The following ELAVL2 variants were observed in gnomAD, a reference collection of about 807,000 sequenced individuals.
ELAVL2 encodes the protein ELAV like RNA binding protein 2, also known as ELAV-like protein 2.
ELAVL2 carries 4 observed loss-of-function variants against 34.6 expected under a neutral mutation model. That is an observed-to-expected ratio of 0.12 (90% CI 0.06 to 0.26). The LOEUF is 0.26. Among genes scored for constraint, ELAVL2 ranks in the 10% least tolerant of loss-of-function variants. The pLI is 1.00. For synonymous variants in ELAVL2, 193 were observed against 154.8 expected (o/e 1.25, Z -1.83); for missense variants, 432 against 442.8 (o/e 0.98, Z 0.22).
intron 1 of ELAVL2, among the ~76,000 whole-genome samples, chr9:23,793,767 C>T (rs1245621896): frequency 6.6e-6 from 1 of 152,186 alleles, no homozygotes; most frequent in Admixed American, 6.5e-5. Context: ...AAAATAGCCT[C>T]TGTCCCACTC....
At chr9:23,697,154 C>T (rs1434204247) in intron 5 of ELAVL2, among the ~76,000 whole-genome samples, 1 of 151,702 alleles carries the variant, frequency 6.6e-6, no homozygotes, top group Non-Finnish European at 1.5e-5. Flanking sequence ...GACTGGATAA[C>T]CTGCTTTAAT....
At chr9:23,695,787 C>T (rs1201066837) in intron 5 of ELAVL2, among the ~76,000 whole-genome samples, 1 of 152,132 alleles carries the variant, frequency 6.6e-6, no homozygotes, top group East Asian at 1.9e-4. Flanking sequence ...TATGATATCA[C>T]TAGACAATAG....
chr9:23,843,247 T>A, the ELAVL2 span, among the ~76,000 whole-genome samples: 1 of 152,140 alleles, frequency 6.6e-6, no homozygotes, highest in Middle Eastern at 3.4e-3. Flanking sequence ...TCCTATAAAA[T>A]AATACTTATA....
At chr9:23,695,025 T>C (rs1042960892) in intron 5 of ELAVL2, among the ~76,000 whole-genome samples, 10 of 152,130 alleles carry the variant, frequency 6.6e-5, no homozygotes, top group Non-Finnish European at 1.3e-4. Flanking sequence ...GAATGAAAAC[T>C]AGTAAGAGGA....
At chr9:23,717,283 A>G (rs2133927048) in intron 3 of ELAVL2, among the ~76,000 whole-genome samples, 1 of 152,274 alleles carries the variant, frequency 6.6e-6, no homozygotes, top group South Asian at 2.1e-4. Context: ...TAAATACTTA[A>G]ATGAGTCCCA....
At chr9:23,817,073 T>A (rs540529190) in intron 1 of ELAVL2, among the ~76,000 whole-genome samples, 2 of 152,238 alleles carry the variant, frequency 1.3e-5, no homozygotes, top group Admixed American at 1.3e-4. Context: ...CATTTTACTG[T>A]TACTGTCTTA....
chr9:23,721,720 T>C (rs1383462819), intron 3 of ELAVL2, among the ~76,000 whole-genome samples: 1 of 152,156 alleles, frequency 6.6e-6, no homozygotes, highest in East Asian at 1.9e-4. Context: ...AACATAAACA[T>C]GACAAGGGGG....
Position 23,691,267 on chromosome 9 carries a change from A to C in ELAVL2, c.*1290T>G, listed in dbSNP as rs185945085. The C allele has an allele frequency of 6.5e-5, 10 of 152,736 alleles. No individual in the cohort carries two copies. The East Asian group carries it at 7.7e-4, about 12-fold the overall frequency. 9.5% of individuals were successfully genotyped at this position (152,736 alleles called of 1,614,324 possible). A position where few individuals can be genotyped will look rare whatever the true frequency, so the allele number is the denominator to read the frequency against. On this transcript the variant is annotated 3_prime_UTR_variant, in exon 7 of 7. Coordinates refer to ENST00000397312, the MANE Select transcript of ELAVL2 (RefSeq NM_004432.5). ...TTGGCATGTAAGGGAAAAAAAATTAAATTAGCTGAAAGGTTCATAAACACA... is the reference window on the plus strand; with the variant it reads ...TTGGCATGTAAGGGAAAAAAAATTACATTAGCTGAAAGGTTCATAAACACA...
chr9:23,747,400 G>A (rs1305833801), intron 2 of ELAVL2, among the ~76,000 whole-genome samples: 4 of 152,214 alleles, frequency 2.6e-5, no homozygotes, highest in African/African-American at 4.8e-5. Flanking sequence ...TGCAGAAAGC[G>A]AAACTGTTGA....
intron 1 of ELAVL2, among the ~76,000 whole-genome samples, chr9:23,763,974 A>C (rs528074649): frequency 6.6e-6 from 1 of 152,314 alleles, no homozygotes; most frequent in East Asian, 1.9e-4. Flanking sequence ...TAAAAATCTT[A>C]AATAATTCAA....
intron 1 of ELAVL2, among the ~76,000 whole-genome samples, chr9:23,815,838 C>G (rs1446240301): frequency 6.6e-6 from 1 of 152,094 alleles, no homozygotes; most frequent in East Asian, 1.9e-4. Context: ...ATCACAAGAC[C>G]TTATGTGTGT....
chr9:23,693,435 C>A lies in ELAVL2; in HGVS notation c.752+13G>T, dbSNP rs778191638. 4 of 1,613,866 alleles carry A rather than the reference C, an allele frequency of 2.5e-6. No individual in the cohort carries two copies. Among genetic ancestry groups the A allele is most frequent in the South Asian group, 1.1e-5 (1 of 91,046 alleles). On this transcript the variant is annotated intron_variant, in intron 6 of 6. Coordinates refer to ENST00000397312, the MANE Select transcript of ELAVL2 (RefSeq NM_004432.5). ...GGAAAGGGATTATGAGTATCATGAA[C>A]CTCTATCATTACCTCTTTACTCCAT...
At chr9:23,831,136 G>A (rs2138751867), upstream of ELAVL2, among the ~76,000 whole-genome samples, 1 of 152,288 alleles carries the variant, frequency 6.6e-6, no homozygotes. Flanking sequence ...GGGAAGAAAC[G>A]GTTTTTATGC....
chr9:23,820,893 T>C (rs902275610), intron 1 of ELAVL2, among the ~76,000 whole-genome samples: 1 of 152,190 alleles, frequency 6.6e-6, no homozygotes, highest in African/African-American at 2.4e-5. Context: ...ACCCGAGATG[T>C]GACCGCGAGC....
the ELAVL2 span, among the ~76,000 whole-genome samples, chr9:23,832,603 A>C: frequency 6.6e-6 from 1 of 152,168 alleles, no homozygotes. Context: ...GTGTCCATTT[A>C]TGAGGTGGAT....
chr9:23,809,892 G>C (rs1288746016), intron 1 of ELAVL2, among the ~76,000 whole-genome samples: 2 of 152,182 alleles, frequency 1.3e-5, no homozygotes, highest in African/African-American at 4.8e-5. Flanking sequence ...GGAGAAAGGT[G>C]AATCAAGAAC....
chr9:23,775,910 C>A (rs1227659290), intron 1 of ELAVL2, among the ~76,000 whole-genome samples: 1 of 152,176 alleles, frequency 6.6e-6, no homozygotes, highest in African/African-American at 2.4e-5. Flanking sequence ...GTGAACCACT[C>A]AGTTGGACCA....
At chr9:23,694,170 T>C (rs2034264892) in intron 5 of ELAVL2, among the ~76,000 whole-genome samples, 1 of 152,088 alleles carries the variant, frequency 6.6e-6, no homozygotes, top group Non-Finnish European at 1.5e-5. Context: ...GATCCTGATC[T>C]GGATGCTGTA....
At chr9:23,734,454 AAAGTCAGGACTTG>A (rs1177977496) in intron 2 of ELAVL2, among the ~76,000 whole-genome samples, 1 of 152,214 alleles carries the variant, frequency 6.6e-6, no homozygotes, top group Non-Finnish European at 1.5e-5. Flanking sequence ...AGGAAGTAGT[AAAGTCAGGACTTG>A]AAGTCAGGAC....
Sources: allele counts gnomAD v4.1 joint callset (sites outside exome capture counted in the v4.1 genomes callset), GRCh38; gene constraint gnomAD v4.1.1; transcripts MANE v1.5; gene names NCBI Gene and HGNC (gene_info 2026-07-23, HGNC 2026-07-21).